Variants in FSIP1 observed in about 807,000 individuals in gnomAD.
The protein encoded by FSIP1 is fibrous sheath-interacting protein 1.
A neutral mutation model predicts 60.9 loss-of-function variants in FSIP1; 65 were observed. The ratio of observed to expected loss-of-function variants is 1.07; its 90% CI spans 0.87 to 1.31. The LOEUF is 1.31. Among genes scored for constraint, FSIP1 ranks in the 40% most tolerant of loss-of-function variants. The pLI is 0.00. For missense variants in FSIP1, 675 were observed against 665.5 expected (o/e 1.01, Z -0.16); for synonymous variants, 209 against 221.2 (o/e 0.94, Z 0.49).
chr15:39,618,493 T>TA (rs35927165), intron 10 of FSIP1, among the ~76,000 whole-genome samples: 26,975 of 152,052 alleles, frequency 0.18, 2,764 homozygotes, highest in East Asian at 0.33. Flanking sequence ...TCCAATTCCT[T>TA]ACTGGGAAAA....
At chr15:39,777,599 G>A (rs1449620762) in intron 1 of FSIP1, among the ~76,000 whole-genome samples, 1 of 152,306 alleles carries the variant, frequency 6.6e-6, no homozygotes, top group Non-Finnish European at 1.5e-5. Flanking sequence ...AGCGATGCAG[G>A]CACATTGATC....
Position 39,687,738 on chromosome 15 carries a change from G to C in FSIP1, c.1188+25706C>G, listed in dbSNP as rs142738810. The stretch of plus-strand genomic sequence containing the variant: ...TGTAAACATTAAGCCCTTAATCAAT[G>C]CTTGTTTAATGAATGTATCCTCTTG... On this transcript the variant is annotated intron_variant, in intron 10 of 11. Transcript: ENST00000350221. Among the ~76,000 whole-genome samples, 537 of 152,252 alleles carry C rather than the reference G, an allele frequency of 3.5e-3. 4 individuals carry two copies. Among genetic ancestry groups the C allele is most frequent in the African/African-American group, 0.012 (508 of 41,554 alleles).
intron 11 of FSIP1, among the ~76,000 whole-genome samples, chr15:39,614,292 T>C (rs1891143277): frequency 6.6e-6 from 1 of 151,822 alleles, no homozygotes. Flanking sequence ...GAACAAACTA[T>C]CTAAATAGGA....
At chr15:39,731,166 T>A (rs1262506547) in intron 8 of FSIP1, among the ~76,000 whole-genome samples, 1 of 152,184 alleles carries the variant, frequency 6.6e-6, no homozygotes, top group African/African-American at 2.4e-5. Flanking sequence ...AACACACTTG[T>A]AAGTTGGTAT....
intron 10 of FSIP1, among the ~76,000 whole-genome samples, chr15:39,663,585 A>C (rs12050804): frequency 0.58 from 88,239 of 151,830 alleles, 27,015 homozygotes; most frequent in Non-Finnish European, 0.7. Context: ...ACTTGGCACA[A>C]TCATAATACA....
At chr15:39,730,548 A>G (rs1468453433) in intron 8 of FSIP1, among the ~76,000 whole-genome samples, 1 of 152,232 alleles carries the variant, frequency 6.6e-6, no homozygotes, top group African/African-American at 2.4e-5. Flanking sequence ...CAGAGGCATT[A>G]TAGGTAAAAA....
intron 5 of FSIP1, among the ~76,000 whole-genome samples, chr15:39,751,586 A>G (rs1365855999): frequency 2.0e-5 from 3 of 151,660 alleles, no homozygotes; most frequent in Non-Finnish European, 1.5e-5. Flanking sequence ...GATCTCACTT[A>G]TATGTGGAAT....
chr15:39,769,817 T>C (rs1897821311), intron 3 of FSIP1, among the ~76,000 whole-genome samples: 1 of 152,150 alleles, frequency 6.6e-6, no homozygotes, highest in African/African-American at 2.4e-5. Context: ...GCACCAGCAA[T>C]TTTGCCCACC....
At chr15:39,726,853 A>G in intron 8 of FSIP1, 106 bp from the exon 9 acceptor site, 1 of 280,676 alleles carries the variant, frequency 3.6e-6, no homozygotes, top group Middle Eastern at 6.5e-4. Context: ...ACACACACAA[A>G]CACACACACA....
chr15:39,633,406 G>C (rs1179670397), intron 10 of FSIP1, among the ~76,000 whole-genome samples: 4 of 152,012 alleles, frequency 2.6e-5, no homozygotes, highest in Non-Finnish European at 5.9e-5. Flanking sequence ...CTTTTTAAAT[G>C]TCCAAACAAT....
intron 10 of FSIP1, among the ~76,000 whole-genome samples, chr15:39,670,794 C>A (rs912471797): frequency 2.6e-5 from 4 of 152,210 alleles, no homozygotes; most frequent in Non-Finnish European, 5.9e-5. Flanking sequence ...TTTAGGAATG[C>A]CACAGAAATT....
intron 10 of FSIP1, among the ~76,000 whole-genome samples, chr15:39,692,233 C>T (rs1894632799): frequency 6.6e-6 from 1 of 152,162 alleles, no homozygotes; most frequent in Non-Finnish European, 1.5e-5. Context: ...CAGTGACCAC[C>T]TCACAGGAAT....
At chr15:39,618,342 C>T in intron 10 of FSIP1, 97 bp from the exon 11 acceptor site, 5 of 874,984 alleles carry the variant, frequency 5.7e-6, no homozygotes, top group Non-Finnish European at 8.9e-6. Context: ...ATGCAAGTAA[C>T]CCCTTACACA....
At chr15:39,777,985 T>C (rs1898119258) in intron 1 of FSIP1, among the ~76,000 whole-genome samples, 1 of 152,212 alleles carries the variant, frequency 6.6e-6, no homozygotes, top group Non-Finnish European at 1.5e-5. Context: ...TGTTACGGCT[T>C]GGCTTCCAAC....
At chr15:39,695,593 A>T (rs779885996) in intron 10 of FSIP1, among the ~76,000 whole-genome samples, 18 of 152,174 alleles carry the variant, frequency 1.2e-4, no homozygotes, top group Non-Finnish European at 2.4e-4. Context: ...CAGAAGTATG[A>T]CAATGGGTAG....
intron 11 of FSIP1, among the ~76,000 whole-genome samples, chr15:39,606,105 C>T (rs1890814619): frequency 6.6e-6 from 1 of 152,176 alleles, no homozygotes; most frequent in African/African-American, 2.4e-5. Context: ...TTAATTTGGT[C>T]CTTTGAGTAA....
chr15:39,762,390 A>G (rs574024503), intron 5 of FSIP1, among the ~76,000 whole-genome samples: 1 of 152,180 alleles, frequency 6.6e-6, no homozygotes, highest in Non-Finnish European at 1.5e-5. Context: ...CTGTGGCTCT[A>G]TGTCTCTTTG....
intron 8 of FSIP1, among the ~76,000 whole-genome samples, chr15:39,737,201 T>C (rs1041772365): frequency 3.9e-5 from 6 of 152,166 alleles, no homozygotes; most frequent in African/African-American, 9.7e-5. Context: ...AGTGCAAACA[T>C]TGGGCCACAG....
chr15:39,767,907 G>A (rs73397106), intron 3 of FSIP1, among the ~76,000 whole-genome samples: 2 of 152,156 alleles, frequency 1.3e-5, no homozygotes, highest in African/African-American at 4.8e-5. Context: ...TGGTATACCA[G>A]GGCAAGAACC....
Sources: gnomAD v4.1 joint callset for allele counts (sites outside exome capture counted in the v4.1 genomes callset) on GRCh38, gnomAD v4.1.1 for gene constraint, MANE v1.5 for transcripts, NCBI Gene and HGNC (gene_info 2026-07-23, HGNC 2026-07-21) for gene names.